NRP1: variants seen among roughly 807,000 people sequenced by gnomAD.
NRP1 encodes neuropilin 1.
A neutral mutation model predicts 106.7 loss-of-function variants in NRP1; 35 were observed. The observed-to-expected ratio is 0.33, with a 90% confidence interval of 0.25 to 0.43. NRP1 has a LOEUF of 0.43. NRP1 is among the 20% of genes least tolerant of loss of function. The probability of loss-of-function intolerance (pLI) is 1.00; values close to 1 mark genes in which losing one functional copy is unlikely to be tolerated. For missense variants in NRP1, 1,024 were observed against 1,170.4 expected (o/e 0.87, Z 1.83); for synonymous variants, 437 against 417.9 (o/e 1.05, Z -0.56).
intron 4 of NRP1, among the ~76,000 whole-genome samples, chr10:33,261,109 A>G (rs1842544408): frequency 6.6e-6 from 1 of 152,106 alleles, no homozygotes; most frequent in African/African-American, 2.4e-5. Context: ...ATACAAACAC[A>G]TCTTCATATT....
chr10:33,308,533 C>T (rs191301171), intron 2 of NRP1, among the ~76,000 whole-genome samples: 98 of 152,126 alleles, frequency 6.4e-4, no homozygotes, highest in Non-Finnish European at 1.1e-3. Flanking sequence ...GTCGCCCACG[C>T]TGGAGTTTAG....
intron 6 of NRP1, among the ~76,000 whole-genome samples, chr10:33,233,776 G>A (rs1442262234): frequency 5.9e-5 from 9 of 152,088 alleles, no homozygotes; most frequent in South Asian, 2.1e-4. Context: ...GGAGACTGTC[G>A]GATTTTCTTT....
At chr10:33,330,995 T>G (rs1848246235) in intron 1 of NRP1, 113 bp from the exon 2 acceptor site, 1 of 894,900 alleles carries the variant, frequency 1.1e-6, no homozygotes. Context: ...AGGGGAACTC[T>G]AAAAGGTCCC....
intron 11 of NRP1, 143 bp from the exon 12 acceptor site, chr10:33,197,852 C>A: frequency 2.3e-6 from 1 of 443,722 alleles, no homozygotes; most frequent in Non-Finnish European, 4.0e-6. Flanking sequence ...CAATTGTTTC[C>A]CTTCAATTTT....
At chr10:33,324,679 C>G (rs1309131949) in intron 2 of NRP1, among the ~76,000 whole-genome samples, 1 of 152,164 alleles carries the variant, frequency 6.6e-6, no homozygotes, top group African/African-American at 2.4e-5. Context: ...TCCTGTTGCC[C>G]AGGCTGGAGT....
intron 6 of NRP1, among the ~76,000 whole-genome samples, chr10:33,234,785 GAAAC>G (rs1326605288): frequency 1.3e-5 from 2 of 152,132 alleles, no homozygotes; most frequent in African/African-American, 2.4e-5. Context: ...TTCCTGGGTG[GAAAC>G]AAATAAAACC....
chr10:33,200,785 A>AG (rs1837241614), intron 11 of NRP1, among the ~76,000 whole-genome samples: 2 of 152,242 alleles, frequency 1.3e-5, no homozygotes, highest in South Asian at 4.1e-4. Flanking sequence ...ATGGCATGTG[A>AG]GCACATCCAT....
intron 7 of NRP1, among the ~76,000 whole-genome samples, chr10:33,225,912 C>A (rs975205729): frequency 2.0e-5 from 3 of 152,178 alleles, no homozygotes; most frequent in Admixed American, 6.5e-5. Flanking sequence ...CTTAATTTGG[C>A]CTGTATTGAC....
At chr10:33,289,144 GGA>G (rs1491270412) in intron 2 of NRP1, among the ~76,000 whole-genome samples, 4 of 152,120 alleles carry the variant, frequency 2.6e-5, no homozygotes, top group Non-Finnish European at 5.9e-5. Context: ...AACTAGCTCT[GGA>G]AGAGAACACC....
chr10:33,247,726 G>A (rs1035564237), intron 6 of NRP1, among the ~76,000 whole-genome samples: 5 of 152,206 alleles, frequency 3.3e-5, no homozygotes, highest in African/African-American at 1.2e-4. Flanking sequence ...CTGGCTGGGT[G>A]TCACATCCAG....
chr10:33,237,816 C>A (rs995261131), intron 6 of NRP1, among the ~76,000 whole-genome samples: 1 of 151,872 alleles, frequency 6.6e-6, no homozygotes, highest in African/African-American at 2.4e-5. Flanking sequence ...TTGGCCTCCC[C>A]GCTGGGATTA....
chr10:33,265,624 T>C (rs1305062578), intron 3 of NRP1, among the ~76,000 whole-genome samples: 1 of 152,190 alleles, frequency 6.6e-6, no homozygotes, highest in Non-Finnish European at 1.5e-5. Context: ...CGGCTATCCA[T>C]GGATCCATGG....
At position 33,263,931 on chromosome 10, in the gene NRP1, A is replaced by G. The variant is rs549512239; in HGVS notation, c.431-58T>C. On this transcript the variant is annotated intron_variant, in intron 3 of 16. Transcript: ENST00000374867. Reference sequence around the variant, plus strand: ...AAATCCCACTTAAACAACTTCCCCAAGAAATAACCTGGGTAAAGACAGAAC... The same window carrying G: ...AAATCCCACTTAAACAACTTCCCCAGGAAATAACCTGGGTAAAGACAGAAC... The G allele has an allele frequency of 7.9e-5, 85 of 1,072,264 alleles. 4 individuals carry two copies. The South Asian group carries it at 1.1e-3, about 13-fold the overall frequency. The allele number at this position is 1,072,264 out of a possible 1,614,324, so 66.4% of individuals were successfully genotyped here.
intron 6 of NRP1, among the ~76,000 whole-genome samples, chr10:33,253,601 T>A (rs1842007778): frequency 6.6e-6 from 1 of 152,140 alleles, no homozygotes; most frequent in African/African-American, 2.4e-5. Flanking sequence ...AAACAATTAT[T>A]TCATACACGT....
chr10:33,256,610 G>T, intron 4 of NRP1, 139 bp from the exon 5 acceptor site: 1 of 899,518 alleles, frequency 1.1e-6, no homozygotes. Context: ...TAAGTTAATT[G>T]GTTTGCTGTG....
rs771196307 is a variant in NRP1, at chr10:33,180,333, C to T, written c.2515G>A (p.Gly839Ser). 1 of 1,604,722 alleles carries T rather than the reference C, an allele frequency of 6.2e-7. No homozygotes were observed. The highest frequency in any genetic ancestry group is 8.5e-7 in the Non-Finnish European group (1 of 1,172,654). ...GGCTTCCTGGAGATGTTCTTGTCAC[C>T]TTCTCCTTCACCTTCGTATCCTGGC... Reference protein sequence around the residue: ...STPGYEGEGEGDKNISRKPGN... With the variant: ...STPGYEGEGESDKNISRKPGN... Residue 839 changes from glycine (G) to serine (S), a missense_variant, in exon 17 of 17, where the codon GGT becomes AGT. Coordinates refer to ENST00000374867, the MANE Select transcript of NRP1 (RefSeq NM_003873.7).
Position 33,231,728 on chromosome 10 carries a change from A to T in NRP1, c.982-5439T>A, listed in dbSNP as rs117129413. On this transcript the variant is annotated intron_variant, in intron 6 of 16. Coordinates refer to ENST00000374867, the MANE Select transcript of NRP1 (RefSeq NM_003873.7). Reference sequence around the variant, plus strand: ...ACCGTACAGACAGGTATCATGCAGCATCAAGGAAAAGGTAAACAATTTAAC... The same window carrying T: ...ACCGTACAGACAGGTATCATGCAGCTTCAAGGAAAAGGTAAACAATTTAAC... Among the ~76,000 whole-genome samples the T allele has an allele frequency of 4.3e-4, 65 of 152,336 alleles. No individual in the cohort carries two copies. In the East Asian group the frequency reaches 8.9e-3, roughly 21 times the overall value.
At chr10:33,281,054 A>T (rs11009332) in intron 2 of NRP1, among the ~76,000 whole-genome samples, 4 of 147,250 alleles carry the variant, frequency 2.7e-5, no homozygotes, top group Admixed American at 1.3e-4. Context: ...AGCCTTCCAA[A>T]TTTTTTTTTT....
At chr10:33,221,001 T>C (rs761636904) in intron 8 of NRP1, among the ~76,000 whole-genome samples, 5 of 135,054 alleles carry the variant, frequency 3.7e-5, no homozygotes, top group Non-Finnish European at 7.9e-5. Context: ...GAGGCCGAGG[T>C]GGGAGGATAG....
Sources: allele counts gnomAD v4.1 joint callset (sites outside exome capture counted in the v4.1 genomes callset), GRCh38; gene constraint gnomAD v4.1.1; transcripts MANE v1.5; gene names NCBI Gene and HGNC (gene_info 2026-07-23, HGNC 2026-07-21).